The following CNTNAP2 variants were observed in gnomAD, a reference collection of about 807,000 sequenced individuals.
CNTNAP2 encodes the protein contactin-associated protein-like 2.
Under a neutral mutation model 155.2 loss-of-function variants are expected in CNTNAP2, and 98 were observed. The ratio of observed to expected loss-of-function variants is 0.63; its 90% CI spans 0.54 to 0.75. CNTNAP2 has a LOEUF of 0.75. Ranked by LOEUF, CNTNAP2 falls within the 30% of genes least tolerant of loss-of-function variation. The pLI is 0.00. For missense variants in CNTNAP2, 1,727 were observed against 1,688.1 expected (o/e 1.02, Z -0.40); for synonymous variants, 651 against 631.2 (o/e 1.03, Z -0.47).
rs558032597 is a variant in CNTNAP2 at position 147,786,019 on chromosome 7, C to T, written c.2099-117546C>T. 6.6e-5 allele frequency among the ~76,000 whole-genome samples: 10 copies of T among 152,010 alleles called. No individual in the cohort carries two copies. The East Asian group carries it at 1.6e-3, about 24-fold the overall frequency. On this transcript the variant is annotated intron_variant, in intron 13 of 23. Transcript: ENST00000361727. ...AAAGAAAGAAAAGAAAGGCCAGGCA[C>T]GGTGGCTCATGCCTGTAATCCCCAC...
chr7:146,789,859 A>G (rs978181656), intron 2 of CNTNAP2, among the ~76,000 whole-genome samples: 3 of 150,628 alleles, frequency 2.0e-5, no homozygotes, highest in Non-Finnish European at 4.4e-5. Context: ...ACAGGAGTAA[A>G]CCTCAACCAC....
rs576015992 is a variant in CNTNAP2, at chr7:147,835,746, A to C, written c.2099-67819A>C. ...GATCTGCAGATTAAGATCATCCTGG[A>C]CTTAGAAATCTACTCTAAATCCACT... On this transcript the variant is annotated intron_variant, in intron 13 of 23. Transcript: ENST00000361727. Among the ~76,000 whole-genome samples the C allele has an allele frequency of 3.9e-5, 6 of 152,284 alleles. No homozygotes were observed. In the East Asian group the frequency reaches 1.2e-3, roughly 29 times the overall value.
intron 8 of CNTNAP2, among the ~76,000 whole-genome samples, chr7:147,193,246 G>C (rs1343342015): frequency 1.3e-5 from 2 of 152,182 alleles, no homozygotes; most frequent in Non-Finnish European, 2.9e-5. Context: ...ATAAATGGAA[G>C]TTTAGTGCTA....
intron 1 of CNTNAP2, among the ~76,000 whole-genome samples, chr7:146,379,219 G>A (rs1795347456): frequency 6.6e-6 from 1 of 152,214 alleles, no homozygotes. Flanking sequence ...GAAGAGTAAA[G>A]GTAATTGTTT....
intron 1 of CNTNAP2, among the ~76,000 whole-genome samples, chr7:146,345,704 A>G (rs1794809521): frequency 6.6e-6 from 1 of 152,184 alleles, no homozygotes; most frequent in African/African-American, 2.4e-5. Flanking sequence ...TACCACCAGA[A>G]TGTTACAAAA....
chr7:147,207,917 A>G (rs1264303926), intron 8 of CNTNAP2, among the ~76,000 whole-genome samples: 20 of 152,174 alleles, frequency 1.3e-4, no homozygotes, highest in Admixed American at 1.3e-3. Flanking sequence ...TTCTCCAGAC[A>G]TAGTGCTTTG....
intron 12 of CNTNAP2, among the ~76,000 whole-genome samples, chr7:147,581,480 C>A (rs1800498972): frequency 6.6e-6 from 1 of 152,146 alleles, no homozygotes; most frequent in Admixed American, 6.5e-5. Flanking sequence ...ATGTCAGGAT[C>A]ACTGGAATAA....
intron 1 of CNTNAP2, among the ~76,000 whole-genome samples, chr7:146,672,110 G>A (rs1374553312): frequency 2.0e-5 from 3 of 152,012 alleles, no homozygotes; most frequent in East Asian, 1.9e-4. Flanking sequence ...CACTACACCC[G>A]GCTAGTAGTA....
rs143244331 is a variant in CNTNAP2, at chr7:146,580,513, G to A, written c.98-193758G>A. On this transcript the variant is annotated intron_variant, in intron 1 of 23. Transcript: ENST00000361727. Reference sequence around the variant, plus strand: ...ATTCAAGAGATTTAGTAAGTACTTCGGCAAGATCTAAATATATGGAAGCAA... The same window carrying A: ...ATTCAAGAGATTTAGTAAGTACTTCAGCAAGATCTAAATATATGGAAGCAA... Among the ~76,000 whole-genome samples the A allele has an allele frequency of 1.3e-4, 20 of 149,968 alleles. No individual in the cohort carries two copies. In the East Asian group the frequency reaches 3.1e-3, roughly 23 times the overall value.
chr7:147,671,921 A>G (rs1795793601), intron 13 of CNTNAP2: 1 of 152,180 alleles, frequency 6.6e-6, no homozygotes, highest in African/African-American at 2.4e-5. Context: ...AGATACTATC[A>G]AAAAAAGGTT....
chr7:147,837,522 C>T (rs954492430), intron 13 of CNTNAP2, among the ~76,000 whole-genome samples: 1 of 152,134 alleles, frequency 6.6e-6, no homozygotes, highest in Non-Finnish European at 1.5e-5. Context: ...ATTATGCCTT[C>T]CCAACAGTCC....
At chr7:148,279,783 C>T (rs747490806) in intron 21 of CNTNAP2, among the ~76,000 whole-genome samples, 21 of 152,082 alleles carry the variant, frequency 1.4e-4, no homozygotes, top group Non-Finnish European at 2.1e-4. Context: ...TGCATATGAA[C>T]GCAATGATGA....
intron 3 of CNTNAP2, among the ~76,000 whole-genome samples, chr7:146,908,919 G>T (rs1351197081): frequency 6.8e-6 from 1 of 147,896 alleles, no homozygotes; most frequent in Admixed American, 6.7e-5. Context: ...GACTAATAAA[G>T]AAAAAAAGAG....
At chr7:147,431,009 C>T (rs1797457299) in intron 10 of CNTNAP2, among the ~76,000 whole-genome samples, 1 of 151,298 alleles carries the variant, frequency 6.6e-6, no homozygotes, top group African/African-American at 2.4e-5. Context: ...GATCACGCCC[C>T]TCCTGCACTC....
At chr7:146,540,950 A>G (rs1411629916) in intron 1 of CNTNAP2, among the ~76,000 whole-genome samples, 1 of 152,028 alleles carries the variant, frequency 6.6e-6, no homozygotes, top group Non-Finnish European at 1.5e-5. Flanking sequence ...CCAAATTGCC[A>G]TCAAGCAGAT....
At chr7:147,484,020 G>GC (rs11418243) in intron 10 of CNTNAP2, among the ~76,000 whole-genome samples, 152,291 of 152,292 alleles carry the variant, frequency 1, 76,145 homozygotes, top group Non-Finnish European at 1. Context: ...ACTTTATGAA[G>GC]CCTTTGTTTA....
At chr7:146,820,326 T>TA (rs1300980917) in intron 2 of CNTNAP2, among the ~76,000 whole-genome samples, 1 of 152,108 alleles carries the variant, frequency 6.6e-6, no homozygotes, top group South Asian at 2.1e-4. Context: ...GAGGAATTAA[T>TA]AAAAAAATTA....
At chr7:148,094,521 C>T (rs1803921643) in intron 15 of CNTNAP2, among the ~76,000 whole-genome samples, 1 of 152,152 alleles carries the variant, frequency 6.6e-6, no homozygotes, top group African/African-American at 2.4e-5. Flanking sequence ...ATCCTGTTGG[C>T]TCTGCGGAGG....
At chr7:148,204,797 G>A (rs1585185867) in intron 18 of CNTNAP2, among the ~76,000 whole-genome samples, 1 of 152,178 alleles carries the variant, frequency 6.6e-6, no homozygotes, top group African/African-American at 2.4e-5. Context: ...GACAGAGGGA[G>A]GAGTGTGGGC....
Sources: allele counts gnomAD v4.1 joint callset (sites outside exome capture counted in the v4.1 genomes callset), GRCh38; gene constraint gnomAD v4.1.1; transcripts MANE v1.5; gene names NCBI Gene and HGNC (gene_info 2026-07-23, HGNC 2026-07-21).